SLC45A4: variants seen among roughly 807,000 people sequenced by gnomAD.
The protein encoded by SLC45A4 is polyamine-transporter SLC45A4.
Under a neutral mutation model 63.7 loss-of-function variants are expected in SLC45A4, and 32 were observed. The observed-to-expected ratio is 0.50, with a 90% CI of 0.38 to 0.67. The LOEUF (loss-of-function observed/expected upper bound fraction) is 0.67. Among genes scored for constraint, SLC45A4 ranks in the 30% least tolerant of loss-of-function variants. The probability of loss-of-function intolerance (pLI) is 0.00; values close to 1 mark genes in which losing one functional copy is unlikely to be tolerated. For synonymous variants in SLC45A4, 535 were observed against 510.0 expected (o/e 1.05, Z -0.66); for missense variants, 1,027 against 1,157.7 (o/e 0.89, Z 1.64).
intron 2 of SLC45A4, among the ~76,000 whole-genome samples, chr8:141,247,544 G>A (rs1240886833): frequency 1.3e-5 from 2 of 152,164 alleles, no homozygotes; most frequent in African/African-American, 4.8e-5. Flanking sequence ...AAATTTATAT[G>A]GAGATGTGAA....
chr8:141,235,733 T>C (rs562462282), intron 2 of SLC45A4, among the ~76,000 whole-genome samples: 8 of 152,284 alleles, frequency 5.3e-5, no homozygotes, highest in South Asian at 4.1e-4. Context: ...TTCTCATTAG[T>C]CACGTTCTCG....
At chr8:141,258,615 G>C (rs568441648) in intron 1 of SLC45A4, among the ~76,000 whole-genome samples, 57 of 152,292 alleles carry the variant, frequency 3.7e-4, no homozygotes, top group African/African-American at 1.1e-3. Flanking sequence ...CAGCATGGTG[G>C]TGCACACCTG....
chr8:141,239,594 A>ACGCACG (rs1555571148), intron 2 of SLC45A4, among the ~76,000 whole-genome samples: 2 of 151,850 alleles, frequency 1.3e-5, no homozygotes, highest in East Asian at 1.9e-4. Context: ...ACACACACAC[A>ACGCACG]CACACGCACG....
intron 6 of SLC45A4, 88 bp downstream of exon 6, chr8:141,217,002 C>G: frequency 7.3e-7 from 1 of 1,361,768 alleles, no homozygotes; most frequent in South Asian, 1.2e-5. Context: ...ATGGCCCCAG[C>G]TTCTAAGGTG....
chr8:141,305,487 G>A (rs73715823), intron 1 of SLC45A4, among the ~76,000 whole-genome samples: 1,618 of 152,318 alleles, frequency 0.011, 30 homozygotes, highest in African/African-American at 0.036. Flanking sequence ...GGAGGCCAGC[G>A]AGGAACAGTC....
In SLC45A4 at chr8:141,302,993, C is replaced by CT. The variant is rs55974270; in HGVS notation, c.-401+5102dup. Among the ~76,000 whole-genome samples the CT allele has an allele frequency of 9.2e-3, 897 of 97,258 alleles. 18 individuals are homozygous for CT. Among genetic ancestry groups the CT allele is most frequent in the African/African-American group, 0.03 (837 of 28,064 alleles). 63.8% of individuals were successfully genotyped at this position (97,258 alleles called of 152,430 possible). On this transcript the variant is annotated intron_variant, in intron 1 of 8. Transcript: ENST00000517878. ...TTCTTGTTTTCTGGCCTTACAATGT[C>CT]TTTTTTTTTTTTTTTTTTTGAGACA... is the stretch of plus-strand genomic sequence containing the variant.
At chr8:141,273,863 C>T (rs573803861) in intron 1 of SLC45A4, among the ~76,000 whole-genome samples, 1 of 152,286 alleles carries the variant, frequency 6.6e-6, no homozygotes, top group African/African-American at 2.4e-5. Flanking sequence ...TCAGGACACA[C>T]GATGTCCGTG....
At chr8:141,217,340 G>A (rs1826220554) in intron 5 of SLC45A4, 151 bp from the exon 6 acceptor site, 4 of 738,772 alleles carry the variant, frequency 5.4e-6, no homozygotes, top group Admixed American at 2.8e-5. Context: ...GCCCAAGTCG[G>A]TTGCTATCTG....
chr8:141,277,680 C>T (rs1026750083), intron 1 of SLC45A4, among the ~76,000 whole-genome samples: 1 of 152,012 alleles, frequency 6.6e-6, no homozygotes, highest in African/African-American at 2.4e-5. Flanking sequence ...TGCTCTGTCC[C>T]CCAGGCTGGA....
intron 1 of SLC45A4, among the ~76,000 whole-genome samples, chr8:141,279,893 G>A (rs1829870922): frequency 6.6e-6 from 1 of 152,248 alleles, no homozygotes; most frequent in Non-Finnish European, 1.5e-5. Flanking sequence ...CAAACACTCA[G>A]CAATCTAGCA....
At chr8:141,289,119 A>G (rs915598548) in intron 1 of SLC45A4, among the ~76,000 whole-genome samples, 1 of 152,134 alleles carries the variant, frequency 6.6e-6, no homozygotes, top group African/African-American at 2.4e-5. Flanking sequence ...GGGCCTGGGG[A>G]AGAGGATGAT....
chr8:141,212,092 C>A, intron 8 of SLC45A4, 105 bp downstream of exon 8: 1 of 1,424,110 alleles, frequency 7.0e-7, no homozygotes. Flanking sequence ...ACAGCATCTG[C>A]AGGGTTCCGC....
chr8:141,222,386 G>A (rs960838673), intron 2 of SLC45A4, among the ~76,000 whole-genome samples: 2 of 152,210 alleles, frequency 1.3e-5, no homozygotes, highest in Non-Finnish European at 2.9e-5. Flanking sequence ...GTCTCCAGCT[G>A]GAGCCAAGGG....
At chr8:141,266,263 C>T (rs940924221) in intron 1 of SLC45A4, among the ~76,000 whole-genome samples, 22 of 152,222 alleles carry the variant, frequency 1.4e-4, no homozygotes, top group Admixed American at 1.1e-3. Flanking sequence ...TACACGCACG[C>T]ATGGGCCTGA....
At position 141,281,847 on chromosome 8, in the gene SLC45A4, A is replaced by C. The variant is rs973029546; in HGVS notation, c.-401+26249T>G. Among the ~76,000 whole-genome samples, 8 of 152,232 alleles carry C rather than the reference A, an allele frequency of 5.3e-5. No individual in the cohort carries two copies. In the East Asian group the frequency reaches 1.3e-3, roughly 26 times the overall value. On this transcript the variant is annotated intron_variant, in intron 1 of 8. Transcript: ENST00000517878. ...ATATATTTTTGGTTTAGAAAACGAA[A>C]ACCTTAGGTTAATAAGTGTTTCGCA...
chr8:141,227,559 G>A lies in SLC45A4; in HGVS notation c.242-5794C>T, dbSNP rs1042372968. Reference sequence around the variant, plus strand: ...GAATTTAAGTCAAGGAACACTGTCAGGAGCCACTTCTGAAGGGCCCCAGAC... The same window carrying A: ...GAATTTAAGTCAAGGAACACTGTCAAGAGCCACTTCTGAAGGGCCCCAGAC... On this transcript the variant is annotated intron_variant, in intron 2 of 8. Coordinates refer to ENST00000517878, the MANE Select transcript of SLC45A4 (RefSeq NM_001286646.2). This position sits in a 1 kb window ranked among gnomAD's most constrained non-coding sequence, Gnocchi z 4.4. Among the ~76,000 whole-genome samples, 1 of 152,156 alleles carries A rather than the reference G, an allele frequency of 6.6e-6. No homozygotes were observed. The highest frequency in any genetic ancestry group is 2.4e-5 in the African/African-American group (1 of 41,418).
At chr8:141,285,611 C>A (rs1429009160) in intron 1 of SLC45A4, among the ~76,000 whole-genome samples, 1 of 152,222 alleles carries the variant, frequency 6.6e-6, no homozygotes, top group Non-Finnish European at 1.5e-5. Flanking sequence ...ACGGCCACGT[C>A]CGTTTAAACA....
intron 3 of SLC45A4, among the ~76,000 whole-genome samples, chr8:141,220,566 C>A (rs1259130405): frequency 1.3e-5 from 2 of 152,220 alleles, no homozygotes; most frequent in Non-Finnish European, 2.9e-5. Context: ...ACCAGGGAGA[C>A]AAGCAGTGCC....
intron 2 of SLC45A4, among the ~76,000 whole-genome samples, chr8:141,250,482 C>T (rs1028919354): frequency 1.3e-5 from 2 of 151,232 alleles, no homozygotes; most frequent in Admixed American, 6.6e-5. Context: ...ATCTCCCAGG[C>T]GCAAGCAATC....
Sources: allele counts gnomAD v4.1 joint callset (sites outside exome capture counted in the v4.1 genomes callset), GRCh38; gene constraint gnomAD v4.1.1; non-coding constraint Gnocchi (gnomAD v3.1); transcripts MANE v1.5; gene names NCBI Gene and HGNC (gene_info 2026-07-23, HGNC 2026-07-21).